The following CNOT2 variants were observed in gnomAD, a reference collection of about 807,000 sequenced individuals.
The protein encoded by CNOT2 is CC chemokine receptor 4-negative regulator of transcription 2.
CNOT2 carries 7 observed loss-of-function variants against 72.1 expected under a neutral mutation model. That is an observed-to-expected ratio of 0.10 (90% CI 0.06 to 0.18). CNOT2 has a LOEUF of 0.18. Ranked by LOEUF, CNOT2 falls within the 10% of genes least tolerant of loss-of-function variation. CNOT2 has a pLI of 1.00. For synonymous variants in CNOT2, 196 were observed against 225.6 expected (o/e 0.87, Z 1.17); for missense variants, 345 against 660.3 (o/e 0.52, Z 5.23).
chr12:70,296,800 T>C (rs1268739925), intron 2 of CNOT2, among the ~76,000 whole-genome samples: 1 of 149,904 alleles, frequency 6.7e-6, no homozygotes, highest in African/African-American at 2.4e-5. Flanking sequence ...TTAAATAAAA[T>C]TAGAATTATT....
chr12:70,339,496 T>G (rs942298755), intron 11 of CNOT2, among the ~76,000 whole-genome samples: 2 of 152,148 alleles, frequency 1.3e-5, no homozygotes, highest in African/African-American at 4.8e-5. Context: ...TTTTCTCATG[T>G]TGTTATACTT....
intron 4 of CNOT2, 21 bp from the exon 5 acceptor site, chr12:70,329,399 CCTT>C (rs1879590445): frequency 1.3e-6 from 2 of 1,590,890 alleles, no homozygotes; most frequent in Admixed American, 1.7e-5. Context: ...CAATGAATTT[CCTT>C]CTTCTGAATT....
chr12:70,273,065 C>T (rs1868301175), intron 1 of CNOT2, among the ~76,000 whole-genome samples: 2 of 152,154 alleles, frequency 1.3e-5, no homozygotes, highest in Admixed American at 1.3e-4. Context: ...ATCAGCATTT[C>T]CCTCTGTGCC....
intron 15 of CNOT2, among the ~76,000 whole-genome samples, chr12:70,351,145 A>G (rs1051267181): frequency 1.6e-4 from 24 of 152,332 alleles, no homozygotes; most frequent in African/African-American, 5.5e-4. Flanking sequence ...AAATATATAC[A>G]TAGACCCTCT....
At chr12:70,300,054 C>T (rs1187878919) in intron 2 of CNOT2, among the ~76,000 whole-genome samples, 1 of 152,026 alleles carries the variant, frequency 6.6e-6, no homozygotes, top group Non-Finnish European at 1.5e-5. Context: ...TGTCCTTTGC[C>T]CACTTTTTGA....
intron 2 of CNOT2, chr12:70,307,752 T>C (rs181231009): frequency 1.3e-5 from 2 of 152,252 alleles, no homozygotes; most frequent in Admixed American, 1.3e-4. Context: ...CCATTCCTAC[T>C]AGTTCTGCCT....
At chr12:70,254,441 C>A (rs1958320200) in intron 1 of CNOT2, among the ~76,000 whole-genome samples, 1 of 152,066 alleles carries the variant, frequency 6.6e-6, no homozygotes, top group Non-Finnish European at 1.5e-5. Flanking sequence ...CAGAAAATTT[C>A]ATCACACTCC....
intron 1 of CNOT2, among the ~76,000 whole-genome samples, chr12:70,268,039 T>G (rs1243416544): frequency 6.6e-6 from 1 of 152,356 alleles, no homozygotes; most frequent in Middle Eastern, 3.4e-3. Flanking sequence ...TGGTCTGACA[T>G]GTACACACAC....
intron 2 of CNOT2, chr12:70,290,915 A>ATCTCTCT (rs1871781744): frequency 3.3e-5 from 5 of 152,176 alleles, no homozygotes; most frequent in Non-Finnish European, 5.9e-5. Flanking sequence ...TATTCAGATA[A>ATCTCTCT]GGCTTGGATG....
chr12:70,243,365 G>A (rs1041395261), upstream of CNOT2: 2 of 152,796 alleles, frequency 1.3e-5, no homozygotes, highest in South Asian at 4.1e-4. Context: ...CCGCCTGGAG[G>A]GAAGCCGGAG....
intron 2 of CNOT2, among the ~76,000 whole-genome samples, chr12:70,281,329 C>T (rs566086305): frequency 2.0e-5 from 3 of 152,140 alleles, no homozygotes; most frequent in South Asian, 2.1e-4. Flanking sequence ...GTGATCTGCC[C>T]GCCTTGGCCT....
At chr12:70,311,471 CTCCTCTGT>C (rs2135957722) in intron 3 of CNOT2, among the ~76,000 whole-genome samples, 1 of 152,034 alleles carries the variant, frequency 6.6e-6, no homozygotes, top group South Asian at 2.1e-4. Context: ...AGGTGTATCT[CTCCTCTGT>C]TCAGCCATAG....
At chr12:70,270,326 C>T (rs564721910) in intron 1 of CNOT2, among the ~76,000 whole-genome samples, 3 of 152,060 alleles carry the variant, frequency 2.0e-5, no homozygotes, top group Non-Finnish European at 4.4e-5. Context: ...ATAAAGCAAA[C>T]AATACGTTTG....
At chr12:70,271,427 G>T (rs1959223722) in intron 1 of CNOT2, among the ~76,000 whole-genome samples, 1 of 140,712 alleles carries the variant, frequency 7.1e-6, no homozygotes, top group Admixed American at 7.6e-5. Flanking sequence ...AGGCTGGAGT[G>T]CAGTGGCACA....
intron 3 of CNOT2, 197 bp from the exon 4 acceptor site, chr12:70,319,101 A>G (rs1565807409): frequency 1.2e-5 from 5 of 409,176 alleles, no homozygotes. Flanking sequence ...TTTCATTTCT[A>G]CAGTTTGGTT....
intron 4 of CNOT2, chr12:70,323,012 A>G (rs945788030): frequency 1.3e-5 from 2 of 151,738 alleles, no homozygotes; most frequent in African/African-American, 4.8e-5. Context: ...AAAAGATACC[A>G]TGTGCAGAAT....
intron 1 of CNOT2, among the ~76,000 whole-genome samples, chr12:70,271,005 G>A (rs975891800): frequency 6.6e-6 from 1 of 152,198 alleles, no homozygotes; most frequent in African/African-American, 2.4e-5. Flanking sequence ...TGACTAAACA[G>A]TATGGAAAAC....
intron 4 of CNOT2, among the ~76,000 whole-genome samples, chr12:70,324,435 T>C (rs1163129731): frequency 6.6e-6 from 1 of 151,594 alleles, no homozygotes; most frequent in Non-Finnish European, 1.5e-5. Flanking sequence ...TGAGAAGTGA[T>C]CAGATTTGGT....
intron 4 of CNOT2, 65 bp from the exon 5 acceptor site, chr12:70,329,358 A>G: frequency 7.3e-7 from 1 of 1,374,076 alleles, no homozygotes; most frequent in South Asian, 1.2e-5. Context: ...CGCCAACTCC[A>G]GAAGATGGAT....
Sources: allele counts gnomAD v4.1 joint callset (sites outside exome capture counted in the v4.1 genomes callset), GRCh38; gene constraint gnomAD v4.1.1; transcripts MANE v1.5; gene names NCBI Gene and HGNC (gene_info 2026-07-23, HGNC 2026-07-21).